The following VPS53 variants were observed in gnomAD, a reference collection of about 807,000 sequenced individuals.
VPS53 encodes vacuolar protein sorting-associated protein 53 homolog.
In VPS53, 70 loss-of-function variants were observed where a neutral mutation model predicts 107.0. The ratio of observed to expected loss-of-function variants is 0.65; its 90% CI spans 0.54 to 0.80. The LOEUF (loss-of-function observed/expected upper bound fraction) is 0.80. Among genes scored for constraint, VPS53 ranks in the 30% least tolerant of loss-of-function variants. VPS53 has a pLI of 0.00. For missense variants in VPS53, 917 were observed against 1,049.4 expected (o/e 0.87, Z 1.74); for synonymous variants, 409 against 393.3 (o/e 1.04, Z -0.47).
chr17:515,956 C>CCTTTTT lies in VPS53; in HGVS notation c.*3171_*3172insAAAAAG. 9.1e-6 allele frequency: 1 copy of CCTTTTT among 109,590 alleles called. No homozygotes were observed. The highest frequency in any genetic ancestry group is 1.0e-4 in the Admixed American group (1 of 9,824). 6.8% of individuals were successfully genotyped at this position (109,590 alleles called of 1,614,324 possible). A position where few individuals can be genotyped will look rare whatever the true frequency, so the allele number is the denominator to read the frequency against. On this transcript the variant is annotated 3_prime_UTR_variant, in exon 22 of 22. Coordinates refer to ENST00000437048, the MANE Select transcript of VPS53 (RefSeq NM_001128159.3). ...ATTACAGGCACCCGCCACCTGCCTGCTTTTTTTTTTTTTTTTTTTGTATTT... is the reference window on the plus strand; with the variant it reads ...ATTACAGGCACCCGCCACCTGCCTGCCTTTTTTTTTTTTTTTTTTTTTTTTGTATTT...
intron 19 of VPS53, among the ~76,000 whole-genome samples, chr17:525,772 A>C (rs12945505): frequency 0.62 from 93,510 of 151,170 alleles, 31,583 homozygotes; most frequent in African/African-American, 0.88. Flanking sequence ...CTGAGGTGGG[A>C]GGATCACTTA....
At chr17:697,523 CTT>C (rs1296438395) in intron 3 of VPS53, 39 bp from the exon 4 acceptor site, 7 of 1,522,378 alleles carry the variant, frequency 4.6e-6, no homozygotes, top group African/African-American at 1.4e-5. Flanking sequence ...TTCAAATAAT[CTT>C]TATTCTAGGT....
At chr17:680,821 G>A (rs1972362291) in intron 4 of VPS53, among the ~76,000 whole-genome samples, 2 of 152,210 alleles carry the variant, frequency 1.3e-5, no homozygotes, top group Admixed American at 1.3e-4. Flanking sequence ...TAAAGTGCCT[G>A]TCATTAAAAT....
At chr17:655,990 G>A (rs746131833) in intron 5 of VPS53, 37 bp from the exon 6 acceptor site, 42 of 1,564,774 alleles carry the variant, frequency 2.7e-5, no homozygotes, top group East Asian at 4.5e-5. Context: ...AAAGGAAGAC[G>A]GTCAAGAAAG....
Position 518,819 on chromosome 17 carries a change from A to T in VPS53, c.*309T>A. ...GGACGGGTGGGGCCCACGTGTCAAG[A>T]GGGTGTGACTGCCATGGGGAGGCTA... On this transcript the variant is annotated 3_prime_UTR_variant, in exon 22 of 22. Coordinates refer to ENST00000437048, the MANE Select transcript of VPS53 (RefSeq NM_001128159.3). The T allele has an allele frequency of 5.1e-6, 1 of 196,026 alleles. No individual in the cohort carries two copies. 12.1% of individuals were successfully genotyped at this position (196,026 alleles called of 1,614,324 possible).
intron 20 of VPS53, 99 bp downstream of exon 20, chr17:521,502 G>A: frequency 7.8e-7 from 1 of 1,282,142 alleles, no homozygotes; most frequent in Admixed American, 3.5e-5. Flanking sequence ...CATGCTTTGA[G>A]GCCGGTGAGG....
intron 7 of VPS53, among the ~76,000 whole-genome samples, chr17:635,420 T>C (rs1217975667): frequency 2.6e-5 from 4 of 152,242 alleles, no homozygotes. Flanking sequence ...ATTTGTCAAT[T>C]TTGGCTTTTG....
rs539479357 is a variant in VPS53, at chr17:532,950, C to G, written c.2016-39G>C. On this transcript the variant is annotated intron_variant, in intron 18 of 21. Coordinates refer to ENST00000437048, the MANE Select transcript of VPS53 (RefSeq NM_001128159.3). ...AGAAGTGACAAATTAGGCTTATTCT[C>G]TCTTGAGGAAAGAAATGCAAAAACT... The G allele has an allele frequency of 4.1e-5, 65 of 1,597,438 alleles. 2 individuals carry two copies. In the South Asian group the frequency reaches 7.0e-4, roughly 17 times the overall value.
rs761611495 is a variant in VPS53, at chr17:601,816, C to T, written c.1197G>A (p.Thr399=). ...EPTPEMEELA[T]EKGDLDQPKK... ...TTACTTGATCTAAATCTCCTTTCTC[C>T]GTTGCCAGTTCCTCCATCTCTGGTG... is the stretch of plus-strand genomic sequence containing the variant. Residue 399 remains threonine, a synonymous_variant, in exon 12 of 22, where the codon ACG becomes ACA. Coordinates refer to ENST00000437048, the MANE Select transcript of VPS53 (RefSeq NM_001128159.3). 3.1e-5 allele frequency: 50 copies of T among 1,603,522 alleles called. 1 individual carries two copies. In the East Asian group the frequency reaches 5.4e-4, roughly 17 times the overall value.
At chr17:658,516 G>T (rs1971303709) in intron 5 of VPS53, among the ~76,000 whole-genome samples, 8 of 138,672 alleles carry the variant, frequency 5.8e-5, no homozygotes, top group South Asian at 2.4e-4. Context: ...AACTCGGCAG[G>T]GAGTTCGTGG....
At chr17:677,276 G>C (rs143950632) in intron 4 of VPS53, among the ~76,000 whole-genome samples, 2,370 of 152,264 alleles carry the variant, frequency 0.016, 24 homozygotes, top group Middle Eastern at 0.031. Flanking sequence ...CCGTAAAAGA[G>C]AAGAAAGTGC....
At chr17:599,178 G>A (rs1397204353) in intron 12 of VPS53, among the ~76,000 whole-genome samples, 2 of 151,154 alleles carry the variant, frequency 1.3e-5, no homozygotes, top group Non-Finnish European at 3.0e-5. Context: ...GAGGTGAGGG[G>A]CGCCTCTGCC....
chr17:564,150 C>T (rs567208115), intron 13 of VPS53, among the ~76,000 whole-genome samples: 15 of 151,956 alleles, frequency 9.9e-5, no homozygotes, highest in Admixed American at 3.9e-4. Context: ...AATCCCAACA[C>T]TTTGGGAGGC....
intron 4 of VPS53, among the ~76,000 whole-genome samples, chr17:685,677 T>C (rs1972560172): frequency 6.6e-6 from 1 of 152,136 alleles, no homozygotes; most frequent in African/African-American, 2.4e-5. Context: ...TTATTCTTCA[T>C]TGCAAGTTAA....
intron 6 of VPS53, among the ~76,000 whole-genome samples, chr17:654,727 ACTCCAACTC>A (rs1971109310): frequency 7.9e-6 from 1 of 126,152 alleles, no homozygotes. Flanking sequence ...ACAGAGCCAG[ACTCCAACTC>A]AAAAAAAAAA....
chr17:679,533 A>G (rs1253396837), intron 4 of VPS53, among the ~76,000 whole-genome samples: 1 of 152,160 alleles, frequency 6.6e-6, no homozygotes, highest in Non-Finnish European at 1.5e-5. Context: ...AAACAAAACA[A>G]AAAGAATGGA....
chr17:639,711 C>T (rs547921029), intron 7 of VPS53, among the ~76,000 whole-genome samples: 11 of 152,292 alleles, frequency 7.2e-5, no homozygotes, highest in East Asian at 1.9e-4. Flanking sequence ...GTATCAGCAG[C>T]GGAGGCTGCA....
At chr17:536,901 G>A in intron 18 of VPS53, 127 bp downstream of exon 18, 1 of 1,208,920 alleles carries the variant, frequency 8.3e-7, no homozygotes, top group Middle Eastern at 2.0e-4. Context: ...TGCATGTTGG[G>A]GGGGTCAGGT....
intron 6 of VPS53, among the ~76,000 whole-genome samples, chr17:654,547 G>A (rs1313503057): frequency 6.6e-6 from 1 of 151,908 alleles, no homozygotes; most frequent in Non-Finnish European, 1.5e-5. Flanking sequence ...GACCATCCTG[G>A]CTAACACGGC....
Sources: allele counts gnomAD v4.1 joint callset (sites outside exome capture counted in the v4.1 genomes callset), GRCh38; gene constraint gnomAD v4.1.1; transcripts MANE v1.5; gene names NCBI Gene and HGNC (gene_info 2026-07-23, HGNC 2026-07-21).